The following TRIM26 variants were observed in gnomAD, a reference collection of about 807,000 sequenced individuals.
TRIM26 encodes the protein tripartite motif containing 26.
Under a neutral mutation model 45.5 loss-of-function variants are expected in TRIM26, and 16 were observed. The observed-to-expected ratio is 0.35, with a 90% CI of 0.24 to 0.53. The LOEUF (loss-of-function observed/expected upper bound fraction) is 0.53. Among genes scored for constraint, TRIM26 ranks in the 20% least tolerant of loss-of-function variants. The pLI, the probability that TRIM26 is intolerant of heterozygous loss-of-function variation, is 0.92. For synonymous variants in TRIM26, 273 were observed against 290.4 expected, an observed-to-expected ratio of 0.94 and a Z score of 0.61; for missense variants, 442 against 691.1, an observed-to-expected ratio of 0.64 and a Z score of 4.04.
Position 30,190,215 on chromosome 6 carries a change from A to C in TRIM26, c.766-180T>G. On this transcript the variant is annotated intron_variant, in intron 6 of 9. Coordinates refer to ENST00000454678, the MANE Select transcript of TRIM26 (RefSeq NM_003449.5). The surrounding 1 kb of genome is among the most constrained non-coding windows in gnomAD (Gnocchi z 4.3). ...ATAAAACAACAAGAAAACAAACAAA[A>C]TCGGCACAATGACAGAAGCCACAAT... The C allele has an allele frequency of 1.7e-5, 11 of 659,224 alleles. No individual in the cohort carries two copies. The highest frequency in any genetic ancestry group is 2.6e-5 in the Non-Finnish European group (10 of 381,770). 40.8% of individuals were successfully genotyped at this position (659,224 alleles called of 1,614,324 possible).
rs1775234260 is a variant in TRIM26 at position 30,186,693 on chromosome 6, C to T, written c.938-135G>A. The T allele has an allele frequency of 1.0e-5, 12 of 1,184,900 alleles. No individual in the cohort carries two copies. The East Asian group carries it at 2.9e-4, about 29-fold the overall frequency. The allele number at this position is 1,184,900 out of a possible 1,614,324, so 73.4% of individuals were successfully genotyped here. ...TGCATACATTAGTAATATAACTCAA[C>T]ATCCTTAATTTGGTATAAGTGTGAC... On this transcript the variant is annotated intron_variant, in intron 9 of 9. Coordinates refer to ENST00000454678, the MANE Select transcript of TRIM26 (RefSeq NM_003449.5). This position sits in a 1 kb window ranked among gnomAD's most constrained non-coding sequence, Gnocchi z 7.4.
At chr6:30,197,012 G>C (rs941757595) in intron 5 of TRIM26, among the ~76,000 whole-genome samples, 1 of 152,170 alleles carries the variant, frequency 6.6e-6, no homozygotes, top group African/African-American at 2.4e-5. Context: ...ATCTGTTCTA[G>C]CTAAACCAGT....
intron 6 of TRIM26, among the ~76,000 whole-genome samples, chr6:30,195,801 G>A (rs1330457546): frequency 6.6e-6 from 1 of 152,198 alleles, no homozygotes; most frequent in Non-Finnish European, 1.5e-5. Flanking sequence ...GCCTATGAGA[G>A]CAGGAAGGTT....
Position 30,196,378 on chromosome 6 carries a change from G to T in TRIM26, c.765+138C>A. The T allele has an allele frequency of 1.3e-6, 1 of 758,144 alleles. No individual in the cohort carries two copies. The highest frequency in any genetic ancestry group is 2.1e-6 in the Non-Finnish European group (1 of 471,290). The allele number at this position is 758,144 out of a possible 1,614,324, so 47.0% of individuals were successfully genotyped here. A position where few individuals can be genotyped will look rare whatever the true frequency, so the allele number is the denominator to read the frequency against. ...GCTCATGCAATCTACAGACTAATTG[G>T]CAGCAGTAAGGATTATCATCTCCAT... is the stretch of plus-strand genomic sequence containing the variant. On this transcript the variant is annotated intron_variant, in intron 6 of 9. Coordinates refer to ENST00000454678, the MANE Select transcript of TRIM26 (RefSeq NM_003449.5). This position sits in a 1 kb window ranked among gnomAD's most constrained non-coding sequence, Gnocchi z 4.9.
chr6:30,197,876 G>A (rs372021812), intron 5 of TRIM26, among the ~76,000 whole-genome samples: 4 of 151,942 alleles, frequency 2.6e-5, no homozygotes, highest in East Asian at 3.9e-4. Context: ...GGGTAAATTC[G>A]CCGCTACGGA....
rs1040731068 is a variant in TRIM26, at chr6:30,207,014, C to T, written c.-375-2249G>A. Among the ~76,000 whole-genome samples, 3 of 152,324 alleles carry T rather than the reference C, an allele frequency of 2.0e-5. No homozygotes were observed. Among genetic ancestry groups the T allele is most frequent in the African/African-American group, 7.2e-5 (3 of 41,564 alleles). On this transcript the variant is annotated intron_variant, in intron 1 of 9. Transcript: ENST00000454678. The surrounding 1 kb of genome is among the most constrained non-coding windows in gnomAD (Gnocchi z 4.9). ...TTGGTGCCTGGAAAATGAACTCTTC[C>T]CTGCCCATATGGAGTGCTGTGGAGG...
intron 2 of TRIM26, among the ~76,000 whole-genome samples, chr6:30,201,893 C>T (rs77210813): frequency 0.034 from 5,149 of 151,964 alleles, 134 homozygotes; most frequent in East Asian, 0.07. Flanking sequence ...TGGTCCAACT[C>T]CTTGGCTTTA....
At chr6:30,187,275 C>A in intron 9 of TRIM26, 1 of 304,052 alleles carries the variant, frequency 3.3e-6, no homozygotes, top group South Asian at 3.4e-5. Flanking sequence ...AAGAATCTTC[C>A]AAAACTGACC....
chr6:30,198,778 A>T lies in TRIM26; in HGVS notation c.326T>A (p.Leu109Gln). The T allele has an allele frequency of 6.2e-7, 1 of 1,603,154 alleles. No individual in the cohort carries two copies. The highest frequency in any genetic ancestry group is 8.5e-7 in the Non-Finnish European group (1 of 1,179,656). The change falls in exon 4 of 10, where the codon CTG (leucine) becomes CAG (glutamine). Residue 109 changes from leucine to glutamine, a missense_variant. Transcript: ENST00000454678. This position sits in a 1 kb window ranked among gnomAD's most constrained non-coding sequence, Gnocchi z 6.3. The stretch of plus-strand genomic sequence containing the variant: ...CCCGTCGTCCTCACAGTAGTAGTGC[A>T]GCTTCTCTCGGTGTCGCTCGCACAA... ...AKLCERHREK[L>Q]HYYCEDDGKL... is the part of the protein sequence containing the mutation.
At chr6:30,210,542 C>T (rs1333255747) in intron 1 of TRIM26, among the ~76,000 whole-genome samples, 1 of 152,180 alleles carries the variant, frequency 6.6e-6, no homozygotes. Context: ...TATCACAGTG[C>T]TTCATACAGT....
At chr6:30,201,472 G>T (rs888290587) in intron 2 of TRIM26, among the ~76,000 whole-genome samples, 16 of 152,140 alleles carry the variant, frequency 1.1e-4, no homozygotes, top group African/African-American at 3.9e-4. Context: ...CACCTTCAAA[G>T]CTCAAATGAA....
In TRIM26 at chr6:30,193,193, T is replaced by TC. The variant is rs1554201699; in HGVS notation, c.766-3159_766-3158insG. ...ATATATATATATATATTTTTTTTTT[T>TC]TTTTTTTTAATGGAGTCTCACTCTA... is the stretch of plus-strand genomic sequence containing the variant. On this transcript the variant is annotated intron_variant, in intron 6 of 9. Transcript: ENST00000454678. Among the ~76,000 whole-genome samples, 441 of 68,116 alleles carry TC rather than the reference T, an allele frequency of 6.5e-3. 24 individuals are homozygous for TC. The highest frequency in any genetic ancestry group is 0.027 in the Middle Eastern group (4 of 148). 44.7% of individuals were successfully genotyped at this position (68,116 alleles called of 152,430 possible).
intron 2 of TRIM26, among the ~76,000 whole-genome samples, chr6:30,202,361 G>A (rs1777270403): frequency 6.6e-6 from 1 of 152,172 alleles, no homozygotes; most frequent in Admixed American, 6.6e-5. Context: ...AACAGAATTA[G>A]AAAATCATTT....
chr6:30,195,901 T>C (rs932958180), intron 6 of TRIM26, among the ~76,000 whole-genome samples: 5 of 152,160 alleles, frequency 3.3e-5, no homozygotes, highest in African/African-American at 1.2e-4. Context: ...TGTGGTGCCA[T>C]TTCAGCTTCA....
At chr6:30,200,746 G>A (rs774957361) in intron 3 of TRIM26, among the ~76,000 whole-genome samples, 48 of 152,306 alleles carry the variant, frequency 3.2e-4, no homozygotes, top group South Asian at 1.7e-3. Context: ...AGTCACTTAA[G>A]TACTGAGCCT....
chr6:30,202,202 C>A (rs996344985), intron 2 of TRIM26, among the ~76,000 whole-genome samples: 3 of 152,194 alleles, frequency 2.0e-5, no homozygotes, highest in Non-Finnish European at 4.4e-5. Context: ...CACCTCATCA[C>A]CCAGGCTCCA....
intron 9 of TRIM26, among the ~76,000 whole-genome samples, chr6:30,188,780 G>A (rs1775490232): frequency 6.6e-6 from 1 of 152,114 alleles, no homozygotes; most frequent in South Asian, 2.1e-4. Context: ...CTGAGAGGGG[G>A]CACAATAGTG....
In TRIM26 at chr6:30,207,959, T is replaced by C. The variant is rs144898699; in HGVS notation, c.-375-3194A>G. Among the ~76,000 whole-genome samples, 2 of 152,336 alleles carry C rather than the reference T, an allele frequency of 1.3e-5. No individual in the cohort carries two copies. The highest frequency in any genetic ancestry group is 4.8e-5 in the African/African-American group (2 of 41,574). Reference sequence around the variant, plus strand: ...AGTTATACAGCCCCAAAACACCCCATGCTGCACCCTGTACTTCTCTGCAGT... The same window carrying C: ...AGTTATACAGCCCCAAAACACCCCACGCTGCACCCTGTACTTCTCTGCAGT... On this transcript the variant is annotated intron_variant, in intron 1 of 9. Coordinates refer to ENST00000454678, the MANE Select transcript of TRIM26 (RefSeq NM_003449.5). This position sits in a 1 kb window ranked among gnomAD's most constrained non-coding sequence, Gnocchi z 4.9.
intron 1 of TRIM26, among the ~76,000 whole-genome samples, chr6:30,212,587 A>T (rs559811678): frequency 6.6e-6 from 1 of 152,322 alleles, no homozygotes; most frequent in South Asian, 2.1e-4. Context: ...AAACATAAAA[A>T]GCCTATTTTT....
Sources: gnomAD v4.1 joint callset for allele counts (sites outside exome capture counted in the v4.1 genomes callset) on GRCh38, gnomAD v4.1.1 for gene constraint, Gnocchi (gnomAD v3.1) non-coding constraint, MANE v1.5 for transcripts, NCBI Gene and HGNC (gene_info 2026-07-23, HGNC 2026-07-21) for gene names.